The following BDP1 variants were observed in gnomAD, a reference collection of about 807,000 sequenced individuals.
BDP1 encodes the protein BDP1 general transcription factor IIIB subunit.
In BDP1, 169 loss-of-function variants were observed where a neutral mutation model predicts 266.6. The observed-to-expected ratio is 0.63, with a 90% CI of 0.56 to 0.72. BDP1 has a LOEUF of 0.72. Among genes scored for constraint, BDP1 ranks in the 30% least tolerant of loss-of-function variants. The pLI, the probability that BDP1 is intolerant of heterozygous loss-of-function variation, is 0.00. For missense variants in BDP1, 3,015 were observed against 3,053.8 expected, an observed-to-expected ratio of 0.99 and a Z score of 0.30; for synonymous variants, 1,090 against 1,022.4, an observed-to-expected ratio of 1.07 and a Z score of -1.26.
chr5:71,563,468 G>A (rs1048700843), intron 38 of BDP1, among the ~76,000 whole-genome samples: 1 of 152,208 alleles, frequency 6.6e-6, no homozygotes, highest in East Asian at 1.9e-4. Context: ...AGGGAAAAAG[G>A]CCCTTTGTGA....
chr5:71,523,091 GTATTAGC>G (rs1765592152), intron 24 of BDP1, 142 bp downstream of exon 24: 3 of 555,010 alleles, frequency 5.4e-6, no homozygotes, highest in Non-Finnish European at 9.4e-6. Context: ...GAGTATGTAT[GTATTAGC>G]TAAGTAATTA....
chr5:71,504,803 G>C (rs748422314), intron 16 of BDP1, 52 bp downstream of exon 16: 8 of 1,575,852 alleles, frequency 5.1e-6, no homozygotes, highest in Non-Finnish European at 6.9e-6. Context: ...AAAAGTTTTA[G>C]AACTCAATCA....
intron 8 of BDP1, among the ~76,000 whole-genome samples, 177 bp from the exon 9 acceptor site, chr5:71,486,307 T>C (rs935818624): frequency 1.3e-5 from 2 of 152,186 alleles, no homozygotes; most frequent in Non-Finnish European, 2.9e-5. Flanking sequence ...TGAACTAATC[T>C]ATTTCCCTGC....
intron 18 of BDP1, 85 bp from the exon 19 acceptor site, chr5:71,513,100 C>T: frequency 1.3e-6 from 1 of 769,200 alleles, no homozygotes; most frequent in Non-Finnish European, 2.1e-6. Context: ...TAAATGTTTA[C>T]CGCCAGTCTC....
intron 30 of BDP1, among the ~76,000 whole-genome samples, chr5:71,543,281 C>CA (rs1289295798): frequency 6.6e-6 from 1 of 150,810 alleles, no homozygotes; most frequent in Non-Finnish European, 1.5e-5. Flanking sequence ...GACTTCATCT[C>CA]AAAAAAAGAA....
At chr5:71,511,197 A>C in intron 17 of BDP1, 46 bp downstream of exon 17, 1 of 1,520,908 alleles carries the variant, frequency 6.6e-7, no homozygotes, top group Non-Finnish European at 8.9e-7. Flanking sequence ...TGCTTTTTTC[A>C]GAGGAAATAA....
At chr5:71,501,471 G>T in intron 13 of BDP1, 91 bp from the exon 14 acceptor site, 1 of 849,200 alleles carries the variant, frequency 1.2e-6, no homozygotes, top group Non-Finnish European at 1.9e-6. Flanking sequence ...ACCGTGCCCG[G>T]CCAGTTCTGT....
At chr5:71,533,609 G>C (rs1029502510) in intron 26 of BDP1, among the ~76,000 whole-genome samples, 1 of 151,958 alleles carries the variant, frequency 6.6e-6, no homozygotes, top group Non-Finnish European at 1.5e-5. Flanking sequence ...GGGACTGCAG[G>C]TGTGTGCCAC....
At chr5:71,509,087 G>A (rs1439050666) in intron 16 of BDP1, among the ~76,000 whole-genome samples, 2 of 152,150 alleles carry the variant, frequency 1.3e-5, no homozygotes, top group African/African-American at 2.4e-5. Flanking sequence ...CTGTATAAAA[G>A]ATAGAAGGGA....
In BDP1 at chr5:71,456,099, T is replaced by G; in HGVS notation, c.212+10T>G. On this transcript the variant is annotated intron_variant, in intron 1 of 38. Coordinates refer to ENST00000358731, the MANE Select transcript of BDP1 (RefSeq NM_018429.3). The stretch of plus-strand genomic sequence containing the variant: ...AGGCTCCTAGGAGCAGGTAAGAGGT[T>G]GCAGAGGGAAGAATTTTCATTTGTC... 1 of 1,606,628 alleles carries G rather than the reference T, an allele frequency of 6.2e-7. No individual in the cohort carries two copies. Among genetic ancestry groups the G allele is most frequent in the Non-Finnish European group, 8.5e-7 (1 of 1,177,256 alleles).
chr5:71,498,430 CTTT>C (rs374049356), intron 13 of BDP1, among the ~76,000 whole-genome samples: 2 of 145,250 alleles, frequency 1.4e-5, no homozygotes, highest in African/African-American at 2.5e-5. Context: ...TTCTTTATTT[CTTT>C]TTTTTTTTGA....
chr5:71,549,716 C>T, intron 34 of BDP1, 110 bp downstream of exon 34: 2 of 847,936 alleles, frequency 2.4e-6, no homozygotes, highest in South Asian at 3.7e-5. Flanking sequence ...TTGTGGAGAT[C>T]TTATTTATCA....
chr5:71,476,381 T>G (rs1580010484), intron 7 of BDP1: 1 of 152,172 alleles, frequency 6.6e-6, no homozygotes, highest in Admixed American at 6.6e-5. Flanking sequence ...TAGAGTACGG[T>G]CTGGAAGGGT....
intron 1 of BDP1, among the ~76,000 whole-genome samples, chr5:71,457,385 G>T (rs180740633): frequency 6.7e-6 from 1 of 148,860 alleles, no homozygotes; most frequent in Non-Finnish European, 1.5e-5. Context: ...GCAGTGGTAC[G>T]GCTCACTGCA....
At chr5:71,523,598 G>A (rs912947863) in intron 24 of BDP1, among the ~76,000 whole-genome samples, 1 of 152,184 alleles carries the variant, frequency 6.6e-6, no homozygotes, top group African/African-American at 2.4e-5. Context: ...AGAGGCGTGA[G>A]CTACTGCGCC....
Position 71,474,577 on chromosome 5 carries a change from G to A in BDP1, c.1014+4088G>A, listed in dbSNP as rs369535603. On this transcript the variant is annotated intron_variant, in intron 7 of 38. Coordinates refer to ENST00000358731, the MANE Select transcript of BDP1 (RefSeq NM_018429.3). ...TGACTCCTGAGGTTGGCCAGGCGTG[G>A]TGACTCACGCCTGTAATCCTAGCAC... Among the ~76,000 whole-genome samples the A allele has an allele frequency of 3.0e-4, 45 of 151,966 alleles. No individual in the cohort carries two copies. In the East Asian group the frequency reaches 8.2e-3, roughly 28 times the overall value.
intron 7 of BDP1, among the ~76,000 whole-genome samples, chr5:71,477,120 T>G (rs983058135): frequency 6.6e-6 from 1 of 151,998 alleles, no homozygotes; most frequent in East Asian, 1.9e-4. Context: ...GTGCGGGGAT[T>G]ATAGGCATGA....
intron 26 of BDP1, among the ~76,000 whole-genome samples, chr5:71,534,351 C>T (rs913601118): frequency 6.6e-6 from 1 of 152,152 alleles, no homozygotes; most frequent in South Asian, 2.1e-4. Flanking sequence ...ATTCTTTCCC[C>T]ATTGAATAGT....
intron 28 of BDP1, among the ~76,000 whole-genome samples, chr5:71,541,223 G>C (rs1766943813): frequency 6.6e-6 from 1 of 152,074 alleles, no homozygotes; most frequent in Admixed American, 6.5e-5. Context: ...CAGTCTGTAA[G>C]GATTATTAAG....
Sources: gnomAD v4.1 joint callset for allele counts (sites outside exome capture counted in the v4.1 genomes callset) on GRCh38, gnomAD v4.1.1 for gene constraint, MANE v1.5 for transcripts, NCBI Gene and HGNC (gene_info 2026-07-23, HGNC 2026-07-21) for gene names.